The following ZNF385D variants were observed in gnomAD, a reference collection of about 807,000 sequenced individuals.
ZNF385D encodes zinc finger protein 385D.
ZNF385D carries 15 observed loss-of-function variants against 35.8 expected under a neutral mutation model. The ratio of observed to expected loss-of-function variants is 0.42; its 90% CI spans 0.28 to 0.64. ZNF385D has a LOEUF of 0.64. Among genes scored for constraint, ZNF385D ranks in the 30% least tolerant of loss-of-function variants. The pLI is 0.23. For synonymous variants in ZNF385D, 212 were observed against 186.8 expected (o/e 1.13, Z -1.10); for missense variants, 474 against 494.6 (o/e 0.96, Z 0.39).
intron 3 of ZNF385D, among the ~76,000 whole-genome samples, chr3:21,519,643 C>T (rs1403633697): frequency 6.6e-6 from 1 of 152,168 alleles, no homozygotes; most frequent in South Asian, 2.1e-4. Flanking sequence ...AAGACAGGCT[C>T]TGCAAAATTT....
intron 2 of ZNF385D, among the ~76,000 whole-genome samples, chr3:22,285,163 G>C (rs779994158): frequency 6.6e-5 from 10 of 152,040 alleles, no homozygotes; most frequent in Non-Finnish European, 8.8e-5. Flanking sequence ...TTGTTACAAA[G>C]CAAAATTAGT....
rs1250889899 is a variant in ZNF385D at position 21,987,404 on chromosome 3, AT to A, written c.325+181412del. Among the ~76,000 whole-genome samples, 3 of 117,616 alleles carry A rather than the reference AT, an allele frequency of 2.6e-5. 1 individual carries two copies. Among genetic ancestry groups the A allele is most frequent in the Non-Finnish European group, 4.9e-5 (3 of 61,604 alleles). 77.2% of individuals were successfully genotyped at this position (117,616 alleles called of 152,430 possible). A position where few individuals can be genotyped will look rare whatever the true frequency, so the allele number is the denominator to read the frequency against. On this transcript the variant is annotated intron_variant, in intron 3 of 5. Coordinates refer to the ZNF385D transcript ENST00000494108. ...CTCAGCATTTGCTTGTCTGTAAAGT[AT>A]TTTATTTCTCCTTCACTTATGAAGC...
At chr3:21,557,350 TTTA>T (rs1312439007) in intron 3 of ZNF385D, among the ~76,000 whole-genome samples, 1 of 152,186 alleles carries the variant, frequency 6.6e-6, no homozygotes, top group African/African-American at 2.4e-5. Context: ...CAATACCTAA[TTTA>T]TTGAGAGTTT....
chr3:22,067,928 G>A (rs1001962291), intron 3 of ZNF385D, among the ~76,000 whole-genome samples: 2 of 151,886 alleles, frequency 1.3e-5, no homozygotes, highest in Non-Finnish European at 2.9e-5. Flanking sequence ...CGGGAGAATT[G>A]CTTGAACCCG....
chr3:21,818,881 G>C (rs1376167675), intron 3 of ZNF385D, among the ~76,000 whole-genome samples: 2 of 151,946 alleles, frequency 1.3e-5, no homozygotes, highest in Non-Finnish European at 2.9e-5. Context: ...ATGAAGAAAT[G>C]AGCAAAGAAA....
intron 1 of ZNF385D, among the ~76,000 whole-genome samples, chr3:21,688,825 G>A (rs1411129021): frequency 1.3e-5 from 2 of 152,114 alleles, no homozygotes; most frequent in African/African-American, 4.8e-5. Context: ...CATATGTTTA[G>A]AAAATCAATT....
chr3:21,533,413 T>C (rs898639588), intron 3 of ZNF385D, among the ~76,000 whole-genome samples: 5 of 152,136 alleles, frequency 3.3e-5, no homozygotes, highest in African/African-American at 1.2e-4. Flanking sequence ...CAATTCTCTT[T>C]GAGAAACTTT....
intron 3 of ZNF385D, among the ~76,000 whole-genome samples, chr3:21,981,940 G>C (rs937677257): frequency 3.3e-5 from 5 of 151,998 alleles, no homozygotes; most frequent in African/African-American, 1.2e-4. Context: ...TTTTGTACTA[G>C]TACCATGCTG....
chr3:21,687,756 A>G (rs2067153070), intron 1 of ZNF385D, among the ~76,000 whole-genome samples: 1 of 152,224 alleles, frequency 6.6e-6, no homozygotes, highest in Admixed American at 6.5e-5. Context: ...ATCTAAATTC[A>G]TAGGAAATAA....
At chr3:21,913,059 C>A (rs952301688) in intron 3 of ZNF385D, among the ~76,000 whole-genome samples, 2 of 152,030 alleles carry the variant, frequency 1.3e-5, no homozygotes, top group African/African-American at 4.8e-5. Flanking sequence ...TCACTCTGGG[C>A]AAGGGTTCTG....
chr3:21,745,582 A>G (rs1238286275), intron 1 of ZNF385D, among the ~76,000 whole-genome samples: 1 of 152,174 alleles, frequency 6.6e-6, no homozygotes, highest in Admixed American at 6.5e-5. Flanking sequence ...CTTATGCTGT[A>G]TTTTCTCTTA....
chr3:22,282,627 G>T (rs762866486), intron 2 of ZNF385D, among the ~76,000 whole-genome samples: 4 of 151,850 alleles, frequency 2.6e-5, no homozygotes, highest in Non-Finnish European at 5.9e-5. Flanking sequence ...TCTTAAATTT[G>T]TTGAGACTTG....
chr3:21,905,204 C>A (rs1356001385), intron 3 of ZNF385D, among the ~76,000 whole-genome samples: 4 of 31,350 alleles, frequency 1.3e-4, no homozygotes, highest in Non-Finnish European at 2.6e-4. Flanking sequence ...AACAAAAAAT[C>A]CAAAAAAAAA....
chr3:22,154,150 G>A (rs746808846), intron 3 of ZNF385D, among the ~76,000 whole-genome samples: 8 of 152,114 alleles, frequency 5.3e-5, no homozygotes, highest in Non-Finnish European at 1.2e-4. Context: ...GATATCCACT[G>A]GGGTGTGGTT....
chr3:21,992,825 G>T (rs752293803), intron 3 of ZNF385D, among the ~76,000 whole-genome samples: 4 of 151,986 alleles, frequency 2.6e-5, no homozygotes, highest in African/African-American at 9.7e-5. Flanking sequence ...CAGATATTTT[G>T]AATTATTTGC....
At chr3:21,763,732 A>G (rs1466886667) in intron 3 of ZNF385D, among the ~76,000 whole-genome samples, 1 of 152,136 alleles carries the variant, frequency 6.6e-6, no homozygotes, top group African/African-American at 2.4e-5. Flanking sequence ...TGTGATGCTG[A>G]GAAATATGTA....
At chr3:21,690,230 TACAC>T (rs543588312) in intron 1 of ZNF385D, among the ~76,000 whole-genome samples, 1 of 152,102 alleles carries the variant, frequency 6.6e-6, no homozygotes, top group African/African-American at 2.4e-5. Context: ...TATACATCCA[TACAC>T]ACACACATAT....
At chr3:22,186,625 C>T (rs1472269584) in intron 2 of ZNF385D, among the ~76,000 whole-genome samples, 1 of 148,844 alleles carries the variant, frequency 6.7e-6, no homozygotes, top group Admixed American at 6.7e-5. Flanking sequence ...ATACAAGGGG[C>T]AAATGAGCTG....
chr3:21,574,500 T>C (rs1415858713), intron 2 of ZNF385D, among the ~76,000 whole-genome samples: 2 of 152,134 alleles, frequency 1.3e-5, no homozygotes, highest in African/African-American at 2.4e-5. Flanking sequence ...TAGGAGACAA[T>C]TGAAGGAAAG....
Sources: gnomAD v4.1 joint callset for allele counts (sites outside exome capture counted in the v4.1 genomes callset) on GRCh38, gnomAD v4.1.1 for gene constraint, MANE v1.5 for transcripts, NCBI Gene and HGNC (gene_info 2026-07-23, HGNC 2026-07-21) for gene names.